The following MARCHF3 variants were observed in gnomAD, a reference collection of about 807,000 sequenced individuals.
The protein encoded by MARCHF3 is E3 ubiquitin-protein ligase MARCHF3.
MARCHF3 carries 13 observed loss-of-function variants against 24.2 expected under a neutral mutation model. That is an observed-to-expected ratio of 0.54 (90% CI 0.35 to 0.85). MARCHF3 has a LOEUF of 0.85. Among genes scored for constraint, MARCHF3 ranks in the 40% least tolerant of loss-of-function variants. The pLI is 0.01. For synonymous variants in MARCHF3, 144 were observed against 137.3 expected, an observed-to-expected ratio of 1.05 and a Z score of -0.34; for missense variants, 276 against 325.0, an observed-to-expected ratio of 0.85 and a Z score of 1.16.
intron 1 of MARCHF3, among the ~76,000 whole-genome samples, chr5:126,966,960 T>A (rs1750839953): frequency 8.0e-6 from 1 of 124,554 alleles, no homozygotes; most frequent in Non-Finnish European, 1.7e-5. Context: ...TTACCTATTT[T>A]CCTTTTTTTA....
intron 1 of MARCHF3, among the ~76,000 whole-genome samples, chr5:126,941,463 A>G (rs1008719479): frequency 6.6e-6 from 1 of 152,220 alleles, no homozygotes; most frequent in Non-Finnish European, 1.5e-5. Flanking sequence ...AGAAAAAAAA[A>G]AAACAGGTGG....
chr5:126,904,071 T>G (rs1179895842), intron 3 of MARCHF3, among the ~76,000 whole-genome samples: 1 of 150,664 alleles, frequency 6.6e-6, no homozygotes, highest in African/African-American at 2.5e-5. Flanking sequence ...GTGTTTGGTT[T>G]TTTGTTCTTG....
chr5:127,001,017 A>T (rs1427283827), intron 1 of MARCHF3, among the ~76,000 whole-genome samples: 2 of 152,140 alleles, frequency 1.3e-5, no homozygotes, highest in Admixed American at 6.5e-5. Flanking sequence ...AGGTGGGCAG[A>T]TCATGAGGTC....
intron 1 of MARCHF3, among the ~76,000 whole-genome samples, chr5:126,980,721 A>G (rs1188703601): frequency 1.3e-5 from 2 of 152,192 alleles, no homozygotes; most frequent in Non-Finnish European, 2.9e-5. Flanking sequence ...ATCTATGGTT[A>G]GGTGGGCCTG....
intron 1 of MARCHF3, among the ~76,000 whole-genome samples, chr5:126,918,546 G>C (rs1384493764): frequency 6.6e-6 from 1 of 152,170 alleles, no homozygotes; most frequent in Non-Finnish European, 1.5e-5. Flanking sequence ...GCAGTTCCCT[G>C]CTCTGTGCTA....
rs143618238 is a variant in MARCHF3 at position 126,989,220 on chromosome 5, A to T, written c.-57+41130T>A. Among the ~76,000 whole-genome samples, 624 of 152,132 alleles carry T rather than the reference A, an allele frequency of 4.1e-3. 4 individuals carry two copies. Among genetic ancestry groups the T allele is most frequent in the African/African-American group, 0.012 (495 of 41,502 alleles). ...CTTGAGCCTAGGTGTTTAAGCCTGC[A>T]GTCGGCTATGATCGCACCACTGCAC... On this transcript the variant is annotated intron_variant, in intron 1 of 4. Transcript: ENST00000308660.
chr5:126,967,038 G>A (rs1171200140), intron 1 of MARCHF3, among the ~76,000 whole-genome samples: 1 of 146,908 alleles, frequency 6.8e-6, no homozygotes, highest in Non-Finnish European at 1.5e-5. Context: ...GTTCTTCAGT[G>A]GTGATTTGTG....
intron 4 of MARCHF3, 36 bp from the exon 5 acceptor site, chr5:126,870,827 T>A (rs1752942953): frequency 1.2e-6 from 2 of 1,611,290 alleles, no homozygotes; most frequent in African/African-American, 2.7e-5. Flanking sequence ...AGAAAAGAAT[T>A]CAGGTCAGCA....
At chr5:126,928,892 G>T (rs992826343) in intron 1 of MARCHF3, among the ~76,000 whole-genome samples, 1 of 152,018 alleles carries the variant, frequency 6.6e-6, no homozygotes, top group African/African-American at 2.4e-5. Flanking sequence ...ACTTCAGTAT[G>T]AATTTCTAAA....
intron 3 of MARCHF3, among the ~76,000 whole-genome samples, chr5:126,897,317 G>A (rs1163768566): frequency 6.6e-6 from 1 of 151,910 alleles, no homozygotes; most frequent in Non-Finnish European, 1.5e-5. Context: ...GAGATTACAG[G>A]CATGAGCCAC....
At chr5:126,931,570 TACACACACACACACACAC>T (rs57567399) in intron 1 of MARCHF3, among the ~76,000 whole-genome samples, 5 of 142,890 alleles carry the variant, frequency 3.5e-5, no homozygotes, top group South Asian at 2.4e-4. Context: ...CATACATGAA[TACACACACACACACACAC>T]ACACACACAC....
chr5:126,967,629 G>C (rs1750862452), intron 1 of MARCHF3, among the ~76,000 whole-genome samples: 1 of 152,106 alleles, frequency 6.6e-6, no homozygotes, highest in African/African-American at 2.4e-5. Context: ...GGAGGCGGAG[G>C]TTGCAGCGAG....
intron 3 of MARCHF3, among the ~76,000 whole-genome samples, chr5:126,882,448 C>T (rs1753374725): frequency 6.6e-6 from 1 of 152,188 alleles, no homozygotes; most frequent in Non-Finnish European, 1.5e-5. Context: ...ATCTCAGCTA[C>T]ATTATCATGC....
At chr5:126,945,270 C>G (rs967049613) in intron 1 of MARCHF3, among the ~76,000 whole-genome samples, 2 of 152,188 alleles carry the variant, frequency 1.3e-5, no homozygotes, top group Non-Finnish European at 2.9e-5. Flanking sequence ...TCCTCCTTTC[C>G]CCCAGAGAGC....
At chr5:127,025,308 TA>T (rs56148099) in intron 1 of MARCHF3, among the ~76,000 whole-genome samples, 63,565 of 133,644 alleles carry the variant, frequency 0.48, 14,285 homozygotes, top group East Asian at 0.68. Context: ...AAAAAGTTAT[TA>T]AAAAAAAAAA....
chr5:126,938,565 A>T (rs868459489), intron 1 of MARCHF3, among the ~76,000 whole-genome samples: 176 of 151,992 alleles, frequency 1.2e-3, no homozygotes, highest in African/African-American at 3.6e-3. Flanking sequence ...AAAAAAAAAA[A>T]TTTTACAAAA....
rs61096574 is a variant in MARCHF3 at position 127,009,874 on chromosome 5, C to T, written c.-57+20476G>A. Among the ~76,000 whole-genome samples, 444 of 152,312 alleles carry T rather than the reference C, an allele frequency of 2.9e-3. 2 individuals carry two copies. The highest frequency in any genetic ancestry group is 0.01 in the African/African-American group (429 of 41,556). On this transcript the variant is annotated intron_variant, in intron 1 of 4. Transcript: ENST00000308660. ...CAACTAGTAACCTGGTGAGTATTAT[C>T]CTTACAATGAAAAGTTACCAACTGG...
intron 1 of MARCHF3, among the ~76,000 whole-genome samples, chr5:126,989,346 A>G (rs538227281): frequency 6.6e-6 from 1 of 150,716 alleles, no homozygotes. Flanking sequence ...ACTAATAATA[A>G]TAATAATATT....
chr5:126,996,638 C>T (rs367920887), intron 1 of MARCHF3, among the ~76,000 whole-genome samples: 10 of 151,618 alleles, frequency 6.6e-5, no homozygotes, highest in African/African-American at 1.9e-4. Context: ...TCTTTAATCC[C>T]TTTGAGGAGT....
Sources: allele counts gnomAD v4.1 joint callset (sites outside exome capture counted in the v4.1 genomes callset), GRCh38; gene constraint gnomAD v4.1.1; transcripts MANE v1.5; gene names NCBI Gene and HGNC (gene_info 2026-07-23, HGNC 2026-07-21).